The following ASTN2 variants were observed in gnomAD, a reference collection of about 807,000 sequenced individuals.
ASTN2 encodes the protein astrotactin-2.
ASTN2 carries 54 observed loss-of-function variants against 139.8 expected under a neutral mutation model. The observed-to-expected ratio is 0.39, with a 90% CI of 0.31 to 0.48. The LOEUF (loss-of-function observed/expected upper bound fraction) is 0.48. Among genes scored for constraint, ASTN2 ranks in the 20% least tolerant of loss-of-function variants. The pLI is 0.95. For missense variants in ASTN2, 1,565 were observed against 1,725.1 expected (o/e 0.91, Z 1.64); for synonymous variants, 756 against 719.5 (o/e 1.05, Z -0.81).
chr9:116,809,865 T>A (rs1291472907), intron 12 of ASTN2, among the ~76,000 whole-genome samples: 1 of 152,166 alleles, frequency 6.6e-6, no homozygotes, highest in Non-Finnish European at 1.5e-5. Flanking sequence ...TGTCTTGCAG[T>A]TGGGCTGAAG....
intron 1 of ASTN2, among the ~76,000 whole-genome samples, chr9:117,403,655 C>A (rs1830900338): frequency 6.6e-6 from 1 of 152,110 alleles, no homozygotes; most frequent in African/African-American, 2.4e-5. Flanking sequence ...TGTTCCTTCC[C>A]TTTTCGGCTG....
chr9:116,479,151 C>CCAGA (rs1849088771), intron 20 of ASTN2, among the ~76,000 whole-genome samples: 1 of 152,000 alleles, frequency 6.6e-6, no homozygotes, highest in Non-Finnish European at 1.5e-5. Context: ...CTGCTAAGGG[C>CCAGA]CAGAGACAGG....
chr9:117,224,941 C>T lies in ASTN2; in HGVS notation c.631-10199G>A, dbSNP rs547163344. Among the ~76,000 whole-genome samples the T allele has an allele frequency of 1.3e-5, 2 of 152,290 alleles. 1 individual carries two copies. The highest frequency in any genetic ancestry group is 4.1e-4 in the South Asian group (2 of 4,822). On this transcript the variant is annotated intron_variant, in intron 2 of 22. Transcript: ENST00000313400. ...ATTGCATCATAGTTTGACCCCCTCC[C>T]ATCACCCTAGTGCCCATTGAGGGTG...
At chr9:117,282,871 T>A (rs1834357598) in intron 2 of ASTN2, among the ~76,000 whole-genome samples, 1 of 134,992 alleles carries the variant, frequency 7.4e-6, no homozygotes. Flanking sequence ...TTTAGAGTGG[T>A]CTGTTTGCAG....
intron 7 of ASTN2, among the ~76,000 whole-genome samples, chr9:116,999,395 C>T (rs1837119611): frequency 6.6e-6 from 1 of 152,016 alleles, no homozygotes; most frequent in African/African-American, 2.4e-5. Flanking sequence ...TATGTCCCCA[C>T]TCATTGCTTT....
At chr9:116,553,630 G>T (rs763098183) in intron 19 of ASTN2, among the ~76,000 whole-genome samples, 5 of 152,160 alleles carry the variant, frequency 3.3e-5, no homozygotes, top group Non-Finnish European at 5.9e-5. Context: ...AGCCCAAGTC[G>T]AACTTTTACC....
At chr9:117,097,023 G>A (rs530691338) in intron 4 of ASTN2, among the ~76,000 whole-genome samples, 3 of 152,296 alleles carry the variant, frequency 2.0e-5, no homozygotes, top group African/African-American at 7.2e-5. Flanking sequence ...TGGAGCAAGA[G>A]TATGAATTGG....
chr9:117,124,678 G>A (rs1009255328), intron 4 of ASTN2, among the ~76,000 whole-genome samples: 1 of 152,058 alleles, frequency 6.6e-6, no homozygotes, highest in African/African-American at 2.4e-5. Context: ...GGAAGAGATG[G>A]GAGAAGTTAT....
At chr9:116,426,506 C>T (rs946645256) in intron 22 of ASTN2, among the ~76,000 whole-genome samples, 1 of 152,132 alleles carries the variant, frequency 6.6e-6, no homozygotes, top group African/African-American at 2.4e-5. Context: ...TTATAACTAT[C>T]CTGAATGTAT....
At chr9:116,781,091 C>T (rs570138649) in intron 13 of ASTN2, among the ~76,000 whole-genome samples, 12 of 152,200 alleles carry the variant, frequency 7.9e-5, no homozygotes, top group East Asian at 1.9e-4. Flanking sequence ...CCGCCCACCT[C>T]GGCCTCCCAA....
intron 19 of ASTN2, among the ~76,000 whole-genome samples, chr9:116,616,400 C>A (rs965299601): frequency 6.6e-6 from 1 of 152,044 alleles, no homozygotes; most frequent in African/African-American, 2.4e-5. Context: ...GGTCAAGCAC[C>A]CTAGTGGAAG....
intron 19 of ASTN2, among the ~76,000 whole-genome samples, chr9:116,503,041 A>G (rs1849948179): frequency 6.8e-6 from 1 of 146,114 alleles, no homozygotes; most frequent in Admixed American, 6.8e-5. Flanking sequence ...GAGGAAGGAA[A>G]GAAGAAGGGA....
intron 2 of ASTN2, among the ~76,000 whole-genome samples, chr9:117,240,967 T>A (rs1036818299): frequency 2.0e-5 from 3 of 152,186 alleles, no homozygotes; most frequent in African/African-American, 7.2e-5. Context: ...AGGTTTACAA[T>A]CCTCCTTTCC....
Position 116,434,894 on chromosome 9 carries a change from G to A in ASTN2, c.3782+5715C>T, listed in dbSNP as rs542744998. Among the ~76,000 whole-genome samples, 24 of 152,254 alleles carry A rather than the reference G, an allele frequency of 1.6e-4. No individual in the cohort carries two copies. In the South Asian group the frequency reaches 1.9e-3, roughly 12 times the overall value. The stretch of plus-strand genomic sequence containing the variant: ...GGCAGAGGTTAAGAGATGTCCTTTC[G>A]TCACTAAATCTTATGGGGATATATG... On this transcript the variant is annotated intron_variant, in intron 22 of 22. Coordinates refer to ENST00000313400, the MANE Select transcript of ASTN2 (RefSeq NM_001365068.1).
intron 5 of ASTN2, among the ~76,000 whole-genome samples, chr9:117,077,071 C>T (rs960604655): frequency 4.6e-5 from 7 of 152,004 alleles, no homozygotes; most frequent in Non-Finnish European, 8.8e-5. Flanking sequence ...GGTAACGAGC[C>T]GTTTGTTACC....
At chr9:116,731,220 A>C (rs981611102) in intron 14 of ASTN2, among the ~76,000 whole-genome samples, 4 of 119,702 alleles carry the variant, frequency 3.3e-5, no homozygotes, top group Admixed American at 8.3e-5. Flanking sequence ...AATAATAATA[A>C]TAATAAATCT....
chr9:117,366,801 GTCTCAC>G (rs1238814173), intron 1 of ASTN2, among the ~76,000 whole-genome samples: 1 of 151,828 alleles, frequency 6.6e-6, no homozygotes, highest in African/African-American at 2.4e-5. Flanking sequence ...CTGAGACGCA[GTCTCAC>G]TCTGTCTCCC....
chr9:116,680,539 C>T (rs1466944882), intron 16 of ASTN2, among the ~76,000 whole-genome samples: 3 of 152,182 alleles, frequency 2.0e-5, no homozygotes, highest in East Asian at 3.9e-4. Flanking sequence ...CCAGCATCAT[C>T]CTGATACCAA....
chr9:117,330,670 A>T (rs1320616995), intron 1 of ASTN2, among the ~76,000 whole-genome samples: 1 of 152,166 alleles, frequency 6.6e-6, no homozygotes, highest in Non-Finnish European at 1.5e-5. Flanking sequence ...TAGCAGACAC[A>T]GCTCATCTTT....
Sources: allele counts gnomAD v4.1 joint callset (sites outside exome capture counted in the v4.1 genomes callset), GRCh38; gene constraint gnomAD v4.1.1; transcripts MANE v1.5; gene names NCBI Gene and HGNC (gene_info 2026-07-23, HGNC 2026-07-21).